The following TXK variants were observed in gnomAD, a reference collection of about 807,000 sequenced individuals.
The protein encoded by TXK is tyrosine-protein kinase TXK.
TXK carries 60 observed loss-of-function variants against 81.0 expected under a neutral mutation model. The ratio of observed to expected loss-of-function variants is 0.74; its 90% CI spans 0.60 to 0.92. TXK has a LOEUF of 0.92. Among genes scored for constraint, TXK ranks in the 40% least tolerant of loss-of-function variants. The pLI, the probability that TXK is intolerant of heterozygous loss-of-function variation, is 0.00. For synonymous variants in TXK, 203 were observed against 210.7 expected (o/e 0.96, Z 0.32); for missense variants, 581 against 638.3 (o/e 0.91, Z 0.97).
At chr4:48,082,709 G>A (rs1717357489) in intron 10 of TXK, among the ~76,000 whole-genome samples, 7 of 152,188 alleles carry the variant, frequency 4.6e-5, no homozygotes, top group South Asian at 2.1e-4. Flanking sequence ...GGCCCACCAC[G>A]CCCCCTATCC....
rs948930689 is a variant in TXK at position 48,094,128 on chromosome 4, C to A, written c.658G>T (p.Ala220Ser). ...ATTAACTCAGGGATTGATTGAAAGG[C>A]GTGTCTTTCAGCCACATACCACTGT... Reference protein sequence around the residue: ...SGQWYVAERHAFQSIPELIWY... With the variant: ...SGQWYVAERHSFQSIPELIWY... Residue 220 changes from alanine to serine, a missense_variant, in exon 8 of 15, where the codon GCC (alanine) becomes TCC (serine). Transcript: ENST00000264316. 11 of 1,613,652 alleles carry A rather than the reference C, an allele frequency of 6.8e-6. No individual in the cohort carries two copies. The highest frequency in any genetic ancestry group is 1.7e-5 in the Admixed American group (1 of 60,002).
intron 6 of TXK, among the ~76,000 whole-genome samples, chr4:48,097,160 T>C (rs755945054): frequency 3.9e-5 from 6 of 151,972 alleles, no homozygotes; most frequent in Admixed American, 2.0e-4. Context: ...TAGGGAAAAA[T>C]AATAGATAAA....
chr4:48,110,244 T>G (rs1718591120), intron 5 of TXK, among the ~76,000 whole-genome samples: 1 of 152,212 alleles, frequency 6.6e-6, no homozygotes, highest in South Asian at 2.1e-4. Flanking sequence ...TTAATGTCAT[T>G]TTTTAAAGTA....
At chr4:48,078,448 A>C (rs1377947610) in intron 11 of TXK, among the ~76,000 whole-genome samples, 4 of 152,232 alleles carry the variant, frequency 2.6e-5, no homozygotes, top group African/African-American at 9.6e-5. Context: ...AAGGGGCGAT[A>C]TCAGGGATTT....
chr4:48,097,203 A>T (rs1180481165), intron 6 of TXK, among the ~76,000 whole-genome samples: 1 of 152,176 alleles, frequency 6.6e-6, no homozygotes, highest in Non-Finnish European at 1.5e-5. Flanking sequence ...AATAATGGTG[A>T]AAATCAATCA....
chr4:48,091,457 T>C (rs952939842), intron 8 of TXK, among the ~76,000 whole-genome samples: 1 of 152,132 alleles, frequency 6.6e-6, no homozygotes, highest in Non-Finnish European at 1.5e-5. Flanking sequence ...GAGGAAGCTA[T>C]TGAAAAGTCC....
chr4:48,093,946 T>C (rs1560349573), intron 8 of TXK, 131 bp downstream of exon 8: 1 of 1,255,662 alleles, frequency 8.0e-7, no homozygotes, highest in African/African-American at 1.5e-5. Flanking sequence ...GCTCAAAAGA[T>C]AAGTTGTACT....
Position 48,071,929 on chromosome 4 carries a change from G to A in TXK, c.1358-255C>T, listed in dbSNP as rs535365094. On this transcript the variant is annotated intron_variant, in intron 13 of 14. Coordinates refer to ENST00000264316, the MANE Select transcript of TXK (RefSeq NM_003328.3). Reference sequence around the variant, plus strand: ...GGGTCTTGATTGCCTCTCCTATCAGGAGAAAATGCCAGTAGCATTTTCTTT... The same window carrying A: ...GGGTCTTGATTGCCTCTCCTATCAGAAGAAAATGCCAGTAGCATTTTCTTT... 7.2e-4 allele frequency among the ~76,000 whole-genome samples: 109 copies of A among 151,096 alleles called. 1 individual carries two copies. Among genetic ancestry groups the A allele is most frequent in the African/African-American group, 2.5e-3 (103 of 41,218 alleles).
intron 1 of TXK, among the ~76,000 whole-genome samples, chr4:48,127,336 T>C (rs560585963): frequency 1.6e-4 from 24 of 152,318 alleles, no homozygotes; most frequent in African/African-American, 5.8e-4. Context: ...GAGTATTCAT[T>C]TCATGATCAT....
rs190110637 is a variant in TXK at position 48,075,827 on chromosome 4, G to A, written c.1238+575C>T. ...CTCACTACCAGTACTATAGCCCCAC[G>A]AGACACAAGAACTTGGACTTTGAAG... On this transcript the variant is annotated intron_variant, in intron 12 of 14. Coordinates refer to ENST00000264316, the MANE Select transcript of TXK (RefSeq NM_003328.3). Among the ~76,000 whole-genome samples the A allele has an allele frequency of 4.8e-4, 73 of 152,142 alleles. 1 individual carries two copies. The highest frequency in any genetic ancestry group is 1.7e-3 in the African/African-American group (69 of 41,494).
chr4:48,088,284 T>G (rs1017563803), intron 9 of TXK, among the ~76,000 whole-genome samples: 2 of 152,238 alleles, frequency 1.3e-5, no homozygotes, highest in Non-Finnish European at 2.9e-5. Flanking sequence ...ATGCATAGCC[T>G]ATGACCCAGC....
chr4:48,125,682 G>A (rs1305542758), intron 1 of TXK, among the ~76,000 whole-genome samples: 1 of 152,228 alleles, frequency 6.6e-6, no homozygotes, highest in African/African-American at 2.4e-5. Context: ...GCAGTGCAGA[G>A]GCGTGTACAT....
chr4:48,094,320 G>T, intron 7 of TXK, 116 bp from the exon 8 acceptor site: 1 of 1,153,016 alleles, frequency 8.7e-7, no homozygotes, highest in Non-Finnish European at 1.2e-6. Flanking sequence ...ACTACACTGA[G>T]AAGTAGATTG....
intron 3 of TXK, among the ~76,000 whole-genome samples, chr4:48,112,752 ATTTT>A (rs1055019028): frequency 6.6e-6 from 1 of 151,830 alleles, no homozygotes; most frequent in South Asian, 2.1e-4. Context: ...ATTTTACTGG[ATTTT>A]TTTTCATATC....
intron 6 of TXK, among the ~76,000 whole-genome samples, chr4:48,101,174 T>C (rs1352428773): frequency 6.6e-6 from 1 of 152,092 alleles, no homozygotes; most frequent in Non-Finnish European, 1.5e-5. Flanking sequence ...AATTATAGGA[T>C]ATTGCCATGA....
intron 6 of TXK, among the ~76,000 whole-genome samples, chr4:48,102,090 T>A (rs1487382354): frequency 6.6e-6 from 1 of 152,306 alleles, no homozygotes; most frequent in East Asian, 1.9e-4. Flanking sequence ...GCGATTCTCC[T>A]GCCTCAGCCT....
At chr4:48,129,307 AAGTG>A (rs1489842936) in intron 1 of TXK, among the ~76,000 whole-genome samples, 1 of 152,216 alleles carries the variant, frequency 6.6e-6, no homozygotes, top group Non-Finnish European at 1.5e-5. Context: ...TGGATAAAAT[AAGTG>A]AGTAATTTGT....
chr4:48,073,091 A>ATTTTT (rs33919573), intron 13 of TXK, among the ~76,000 whole-genome samples: 1 of 136,958 alleles, frequency 7.3e-6, no homozygotes. Flanking sequence ...CACCTGGCTA[A>ATTTTT]TTTTTTTTTT....
intron 10 of TXK, among the ~76,000 whole-genome samples, chr4:48,081,332 G>C (rs1426793773): frequency 1.3e-5 from 2 of 152,004 alleles, no homozygotes; most frequent in Admixed American, 6.6e-5. Context: ...AAATCTAACA[G>C]AAATAAGGCA....
Sources: allele counts gnomAD v4.1 joint callset (sites outside exome capture counted in the v4.1 genomes callset), GRCh38; gene constraint gnomAD v4.1.1; transcripts MANE v1.5; gene names NCBI Gene and HGNC (gene_info 2026-07-23, HGNC 2026-07-21).